RANBP2: variants seen among roughly 807,000 people sequenced by gnomAD.
RANBP2 encodes the protein E3 SUMO-protein ligase RanBP2.
RANBP2 carries 57 observed loss-of-function variants against 303.6 expected under a neutral mutation model. The ratio of observed to expected loss-of-function variants is 0.19; its 90% CI spans 0.15 to 0.23. RANBP2 has a LOEUF of 0.23. Among genes scored for constraint, RANBP2 ranks in the 10% least tolerant of loss-of-function variants. The pLI is 1.00. For missense variants in RANBP2, 3,138 were observed against 3,780.8 expected (o/e 0.83, Z 4.46); for synonymous variants, 1,167 against 1,301.5 (o/e 0.90, Z 2.23).
the RANBP2 span, among the ~76,000 whole-genome samples, chr2:109,530,428 A>G: frequency 6.6e-6 from 1 of 152,238 alleles, no homozygotes; most frequent in Non-Finnish European, 1.5e-5. Flanking sequence ...CGGATTTGCA[A>G]AGTTCACTGT....
At chr2:108,998,077 T>G in the RANBP2 span, among the ~76,000 whole-genome samples, 3 of 152,198 alleles carry the variant, frequency 2.0e-5, no homozygotes, top group East Asian at 5.8e-4. Flanking sequence ...CTACCGGAAC[T>G]GTTGCTCTCC....
At chr2:108,781,213 G>A (rs1403136753) in intron 25 of RANBP2, 56 bp from the exon 26 acceptor site, 2 of 1,544,556 alleles carry the variant, frequency 1.3e-6, no homozygotes, top group Non-Finnish European at 1.8e-6. Flanking sequence ...ATAAGAGGGG[G>A]ATGAAAAATG....
the RANBP2 span, among the ~76,000 whole-genome samples, chr2:109,213,096 A>G: frequency 6.6e-6 from 1 of 152,222 alleles, no homozygotes; most frequent in Non-Finnish European, 1.5e-5. Flanking sequence ...ACAGTCAAGC[A>G]GTTGCATCAC....
the RANBP2 span, among the ~76,000 whole-genome samples, chr2:108,804,140 G>T: frequency 2.0e-5 from 3 of 151,694 alleles, no homozygotes; most frequent in East Asian, 3.9e-4. Flanking sequence ...TATTTTCATC[G>T]TATTTATATC....
the RANBP2 span, among the ~76,000 whole-genome samples, chr2:109,375,308 T>C: frequency 6.6e-6 from 1 of 152,194 alleles, no homozygotes; most frequent in Non-Finnish European, 1.5e-5. Context: ...CAAAAGGAAG[T>C]GAGAAACTCT....
At chr2:109,101,462 G>A in the RANBP2 span, among the ~76,000 whole-genome samples, 2 of 152,034 alleles carry the variant, frequency 1.3e-5, no homozygotes, top group African/African-American at 4.8e-5. Context: ...GGGAGGTGGA[G>A]CTTGTAGTTG....
At chr2:108,859,515 G>A in the RANBP2 span, among the ~76,000 whole-genome samples, 1 of 152,030 alleles carries the variant, frequency 6.6e-6, no homozygotes, top group Non-Finnish European at 1.5e-5. Context: ...TTTCTTCTAG[G>A]ATTTTTATAA....
chr2:109,207,810 A>G, the RANBP2 span, among the ~76,000 whole-genome samples: 1 of 152,192 alleles, frequency 6.6e-6, no homozygotes, highest in Non-Finnish European at 1.5e-5. Flanking sequence ...TAAATGGCAC[A>G]ATTTTCTTTT....
At chr2:108,774,452 A>G (rs905963540) in intron 23 of RANBP2, among the ~76,000 whole-genome samples, 1 of 152,188 alleles carries the variant, frequency 6.6e-6, no homozygotes, top group African/African-American at 2.4e-5. Flanking sequence ...AGCCTGGACA[A>G]CAACATAGTG....
the RANBP2 span, among the ~76,000 whole-genome samples, chr2:108,994,172 A>T: frequency 6.6e-6 from 1 of 152,202 alleles, no homozygotes; most frequent in Non-Finnish European, 1.5e-5. Context: ...TAAAAATGCA[A>T]GCTGGATTTG....
chr2:108,765,327 G>C lies in RANBP2; in HGVS notation c.4788G>C (p.Lys1596Asn). 2 of 1,613,834 alleles carry C rather than the reference G, an allele frequency of 1.2e-6. No homozygotes were observed. The highest frequency in any genetic ancestry group is 1.7e-6 in the Non-Finnish European group (2 of 1,179,892). ...FGTSETSKAP[K>N]SGFEGMFTKK... ...CTTCAGAGACAAGCAAGGCTCCAAA[G>C]AGCGGATTTGAGGGAATGTTCACTA... Residue 1596 changes from lysine (K) to asparagine (N), a missense_variant, in exon 20 of 29, where the codon AAG becomes AAC. By Grantham distance (94) the Lys-to-Asn change is moderately conservative. This residue lies in a region of RANBP2 where 28 missense variants were observed against 43.2 expected (regional missense o/e 0.65). Coordinates refer to ENST00000283195, the MANE Select transcript of RANBP2 (RefSeq NM_006267.5).
At chr2:109,462,275 T>C in the RANBP2 span, among the ~76,000 whole-genome samples, 4 of 151,718 alleles carry the variant, frequency 2.6e-5, no homozygotes, top group South Asian at 8.4e-4. Context: ...CCCCTGAGTT[T>C]CATTGCTGGC....
chr2:109,454,277 C>T, the RANBP2 span, among the ~76,000 whole-genome samples: 5 of 152,222 alleles, frequency 3.3e-5, no homozygotes, highest in African/African-American at 9.6e-5. Flanking sequence ...ACTATCCAAT[C>T]TGTATTCCCC....
chr2:109,289,945 G>T, the RANBP2 span, among the ~76,000 whole-genome samples: 1 of 152,184 alleles, frequency 6.6e-6, no homozygotes, highest in Non-Finnish European at 1.5e-5. Flanking sequence ...AGCCTATGGG[G>T]CTCTTGGAGT....
At chr2:109,047,515 A>G in the RANBP2 span, among the ~76,000 whole-genome samples, 2 of 152,170 alleles carry the variant, frequency 1.3e-5, no homozygotes, top group African/African-American at 4.8e-5. Flanking sequence ...AAACAAACAA[A>G]CAAACAAAGT....
chr2:108,912,857 G>T, the RANBP2 span: 1 of 1,073,080 alleles, frequency 9.3e-7, no homozygotes, highest in Non-Finnish European at 1.4e-6. Flanking sequence ...TCATGATCAT[G>T]AATGGGCCTG....
the RANBP2 span, among the ~76,000 whole-genome samples, chr2:108,965,345 G>T: frequency 3.9e-5 from 6 of 152,020 alleles, no homozygotes; most frequent in Admixed American, 1.3e-4. Context: ...GCTGGGCGTG[G>T]TGGTGGGTGC....
At chr2:108,797,610 C>G in the RANBP2 span, among the ~76,000 whole-genome samples, 19 of 152,060 alleles carry the variant, frequency 1.2e-4, no homozygotes, top group Admixed American at 1.2e-3. Flanking sequence ...GGATAATCAG[C>G]AGAGCAGTCT....
chr2:109,454,248 A>G, the RANBP2 span, among the ~76,000 whole-genome samples: 1 of 152,200 alleles, frequency 6.6e-6, no homozygotes, highest in Non-Finnish European at 1.5e-5. Flanking sequence ...CGTGGCTGGT[A>G]TTTATAATTA....
Sources: gnomAD v4.1 joint callset for allele counts (sites outside exome capture counted in the v4.1 genomes callset) on GRCh38, gnomAD v4.1.1 for gene constraint, gnomAD v4.1.1 regional missense constraint, MANE v1.5 for transcripts, NCBI Gene and HGNC (gene_info 2026-07-23, HGNC 2026-07-21) for gene names.